Variants in IMPG1 observed in about 807,000 individuals in gnomAD.
IMPG1 encodes interphotoreceptor matrix proteoglycan 1.
Under a neutral mutation model 92.0 loss-of-function variants are expected in IMPG1, and 85 were observed. The ratio of observed to expected loss-of-function variants is 0.92; its 90% CI spans 0.78 to 1.11. The LOEUF (loss-of-function observed/expected upper bound fraction) is 1.11, where lower values mean the gene tolerates loss of function less well. Ranked by LOEUF, IMPG1 falls within the 50% of genes least tolerant of loss-of-function variation. The probability of loss-of-function intolerance (pLI) is 0.00; values close to 1 mark genes in which losing one functional copy is unlikely to be tolerated. For missense variants in IMPG1, 1,022 were observed against 956.0 expected, an observed-to-expected ratio of 1.07 and a Z score of -0.91; for synonymous variants, 367 against 334.1, an observed-to-expected ratio of 1.10 and a Z score of -1.08.
At chr6:76,027,084 T>A (rs904354553) in intron 4 of IMPG1, among the ~76,000 whole-genome samples, 15 of 152,246 alleles carry the variant, frequency 9.9e-5, no homozygotes, top group Non-Finnish European at 8.8e-5. Context: ...CTAATTTTTT[T>A]AAGGGAAGTT....
At chr6:75,958,670 G>A (rs1013250251) in intron 12 of IMPG1, among the ~76,000 whole-genome samples, 2 of 151,468 alleles carry the variant, frequency 1.3e-5, no homozygotes, top group East Asian at 1.9e-4. Context: ...TGACCGATTC[G>A]CCCATTAATG....
chr6:75,950,194 C>A (rs1781999691), intron 13 of IMPG1, among the ~76,000 whole-genome samples: 1 of 152,124 alleles, frequency 6.6e-6, no homozygotes, highest in South Asian at 2.1e-4. Flanking sequence ...ACTTTGTACC[C>A]TTTCATGAGA....
intron 1 of IMPG1, among the ~76,000 whole-genome samples, chr6:76,066,990 T>G (rs1173598106): frequency 2.0e-5 from 3 of 151,770 alleles, no homozygotes; most frequent in African/African-American, 7.3e-5. Flanking sequence ...TAAAAAAAAT[T>G]GAAACTTACG....
At chr6:75,977,587 CAA>C (rs59746948) in intron 12 of IMPG1, among the ~76,000 whole-genome samples, 1,608 of 121,398 alleles carry the variant, frequency 0.013, 30 homozygotes, top group African/African-American at 0.045. Flanking sequence ...AACTCTGCCT[CAA>C]AAAAAAAAAA....
rs189405252 is a variant in IMPG1, at chr6:76,028,407, C to A, written c.498-3149G>T. On this transcript the variant is annotated intron_variant, in intron 4 of 16. Coordinates refer to ENST00000369950, the MANE Select transcript of IMPG1 (RefSeq NM_001563.4). ...GCTGAAATGCTCACGAATATCAAAC[C>A]AAACAAGAGTTAATTAAATGGACAG... is the stretch of plus-strand genomic sequence containing the variant. Among the ~76,000 whole-genome samples, 95 of 152,336 alleles carry A rather than the reference C, an allele frequency of 6.2e-4. 2 individuals are homozygous for A. The highest frequency in any genetic ancestry group is 1.8e-3 in the Admixed American group (28 of 15,294).
rs78398957 is a variant in IMPG1, at chr6:75,972,702, G to A, written c.1292-21608C>T. Among the ~76,000 whole-genome samples, 340 of 152,004 alleles carry A rather than the reference G, an allele frequency of 2.2e-3. 1 individual carries two copies. Among genetic ancestry groups the A allele is most frequent in the African/African-American group, 7.9e-3 (326 of 41,442 alleles). ...TTTTTTACACTTCTGTTTTATACTC[G>A]AACTTTACCAAATTATATCTACATA... On this transcript the variant is annotated intron_variant, in intron 12 of 16. Coordinates refer to ENST00000369950, the MANE Select transcript of IMPG1 (RefSeq NM_001563.4).
chr6:76,027,790 G>A (rs112965249), intron 4 of IMPG1, among the ~76,000 whole-genome samples: 1,678 of 152,210 alleles, frequency 0.011, 37 homozygotes, highest in African/African-American at 0.039. Context: ...AAAGGTTTTT[G>A]CTTCTTTAAG....
At chr6:76,044,910 C>G (rs191102544) in intron 1 of IMPG1, among the ~76,000 whole-genome samples, 1 of 152,104 alleles carries the variant, frequency 6.6e-6, no homozygotes, top group African/African-American at 2.4e-5. Flanking sequence ...TTTATCCTAT[C>G]GGGGTAGGTG....
intron 12 of IMPG1, among the ~76,000 whole-genome samples, chr6:75,994,156 G>T (rs1254473709): frequency 6.6e-6 from 1 of 152,148 alleles, no homozygotes; most frequent in Non-Finnish European, 1.5e-5. Flanking sequence ...TGAAAAATAT[G>T]CCAAACACCC....
chr6:76,012,484 G>A (rs1283378005), intron 7 of IMPG1, among the ~76,000 whole-genome samples: 3 of 152,150 alleles, frequency 2.0e-5, no homozygotes, highest in African/African-American at 7.2e-5. Context: ...TTTTCTTCTG[G>A]AAGCTCGACT....
Position 76,006,969 on chromosome 6 carries a change from C to T in IMPG1, c.887+511G>A, listed in dbSNP as rs558924519. Among the ~76,000 whole-genome samples the T allele has an allele frequency of 7.9e-5, 12 of 152,088 alleles. No individual in the cohort carries two copies. In the South Asian group the frequency reaches 1.5e-3, roughly 18 times the overall value. On this transcript the variant is annotated intron_variant, in intron 9 of 16. Coordinates refer to ENST00000369950, the MANE Select transcript of IMPG1 (RefSeq NM_001563.4). ...GATGACACAATCATTTAGAGTCTAT[C>T]GTTTGTTATTTCACTAGTCAATTAC...
intron 1 of IMPG1, among the ~76,000 whole-genome samples, chr6:76,068,086 G>T (rs936750106): frequency 1.3e-5 from 2 of 152,108 alleles, no homozygotes; most frequent in Non-Finnish European, 2.9e-5. Flanking sequence ...ACATCGTACC[G>T]AATGGGGGAA....
intron 7 of IMPG1, among the ~76,000 whole-genome samples, chr6:76,017,151 G>A (rs890042569): frequency 9.3e-5 from 14 of 150,168 alleles, no homozygotes; most frequent in African/African-American, 3.0e-4. Context: ...GGAAACTAGA[G>A]TGAAAAGGAG....
intron 4 of IMPG1, among the ~76,000 whole-genome samples, chr6:76,026,314 G>A (rs913210704): frequency 3.9e-5 from 6 of 152,150 alleles, no homozygotes; most frequent in Admixed American, 1.3e-4. Flanking sequence ...GGCGCCCAAC[G>A]TGGGGCTCGA....
intron 5 of IMPG1, among the ~76,000 whole-genome samples, chr6:76,023,309 C>A (rs1341451643): frequency 1.3e-5 from 2 of 152,122 alleles, no homozygotes; most frequent in Non-Finnish European, 2.9e-5. Context: ...AGACTATTAC[C>A]AATGTAAGGC....
Position 75,993,660 on chromosome 6 carries a change from T to A in IMPG1, c.1291+9258A>T, listed in dbSNP as rs57165568. Among the ~76,000 whole-genome samples, 1,324 of 152,316 alleles carry A rather than the reference T, an allele frequency of 8.7e-3. 25 individuals are homozygous for A. Among genetic ancestry groups the A allele is most frequent in the African/African-American group, 0.03 (1,256 of 41,566 alleles). On this transcript the variant is annotated intron_variant, in intron 12 of 16. Transcript: ENST00000369950. ...AATACCATCACAGTGGGGATTTAGG[T>A]CTTTCTTCCTTAAGTCTTACAGTAA...
chr6:75,927,836 A>G (rs568224859), intron 15 of IMPG1, among the ~76,000 whole-genome samples: 2 of 150,108 alleles, frequency 1.3e-5, no homozygotes, highest in South Asian at 2.1e-4. Flanking sequence ...CCATTAGTCT[A>G]AGGAGCGTCA....
chr6:75,926,946 G>C (rs1333395169), intron 15 of IMPG1, among the ~76,000 whole-genome samples: 1 of 152,222 alleles, frequency 6.6e-6, no homozygotes, highest in African/African-American at 2.4e-5. Context: ...AGTCTTCTCA[G>C]GAGGGCACCT....
chr6:75,924,713 A>C (rs377335114), intron 15 of IMPG1, among the ~76,000 whole-genome samples: 1,373 of 9,446 alleles, frequency 0.15, 465 homozygotes, highest in East Asian at 0.42. Context: ...TATAATATAT[A>C]ATATATAATA....
Sources: gnomAD v4.1 joint callset for allele counts (sites outside exome capture counted in the v4.1 genomes callset) on GRCh38, gnomAD v4.1.1 for gene constraint, MANE v1.5 for transcripts, NCBI Gene and HGNC (gene_info 2026-07-23, HGNC 2026-07-21) for gene names.